PCDHGA1: variants seen among roughly 807,000 people sequenced by gnomAD.
The protein encoded by PCDHGA1 is protocadherin gamma subfamily A, 1.
Under a neutral mutation model 58.0 loss-of-function variants are expected in PCDHGA1, and 32 were observed. That is an observed-to-expected ratio of 0.55 (90% CI 0.42 to 0.74). The LOEUF is 0.74. Among genes scored for constraint, PCDHGA1 ranks in the 30% least tolerant of loss-of-function variants. The pLI, the probability that PCDHGA1 is intolerant of heterozygous loss-of-function variation, is 0.00. For missense variants in PCDHGA1, 1,205 were observed against 1,182.3 expected (o/e 1.02, Z -0.28); for synonymous variants, 498 against 501.1 (o/e 0.99, Z 0.08).
chr5:141,383,975 A>G (rs2150246512), intron 1 of PCDHGA1: 3 of 1,613,820 alleles, frequency 1.9e-6, no homozygotes, highest in South Asian at 2.2e-5. Flanking sequence ...ATCCCTGAAG[A>G]CACACCTCTT....
intron 1 of PCDHGA1, among the ~76,000 whole-genome samples, chr5:141,494,397 A>G (rs965158973): frequency 7.2e-5 from 11 of 152,208 alleles, no homozygotes; most frequent in African/African-American, 2.4e-4. Flanking sequence ...GAATAAATTC[A>G]TTCTAGGGCT....
chr5:141,399,660 C>A lies in PCDHGA1; in HGVS notation c.2421+66555C>A, dbSNP rs988885728. 11 of 1,613,536 alleles carry A rather than the reference C, an allele frequency of 6.8e-6. No individual in the cohort carries two copies. The highest frequency in any genetic ancestry group is 9.3e-6 in the Non-Finnish European group (11 of 1,179,888). ...TGAGCGCGCAAAGTGGGGTGGTGTT[C>A]GCGCAGCGCGCCTTTGACTACGAGC... is the stretch of plus-strand genomic sequence containing the variant. On this transcript the variant is annotated intron_variant, in intron 1 of 3. Coordinates refer to ENST00000517417, the MANE Select transcript of PCDHGA1 (RefSeq NM_018912.3).
chr5:141,477,737 G>T lies in PCDHGA1; in HGVS notation c.2422-17070G>T, dbSNP rs1178108717. 1.2e-6 allele frequency: 2 copies of T among 1,613,846 alleles called. No homozygotes were observed. Among genetic ancestry groups the T allele is most frequent in the South Asian group, 1.1e-5 (1 of 91,088 alleles). ...ATTTGAATTAACAGCTCATATCAGC[G>T]ATGGGGGCACCCCGGTCCTAGCCAC... On this transcript the variant is annotated intron_variant, in intron 1 of 3. Coordinates refer to ENST00000517417, the MANE Select transcript of PCDHGA1 (RefSeq NM_018912.3). This position sits in a 1 kb window ranked among gnomAD's most constrained non-coding sequence, Gnocchi z 4.9.
rs750233767 is a variant in PCDHGA1 at position 141,490,877 on chromosome 5, C to A, written c.2422-3930C>A. 1 of 1,613,880 alleles carries A rather than the reference C, an allele frequency of 6.2e-7. No individual in the cohort carries two copies. Among genetic ancestry groups the A allele is most frequent in the Non-Finnish European group, 8.5e-7 (1 of 1,179,900 alleles). On this transcript the variant is annotated intron_variant, in intron 1 of 3. Coordinates refer to ENST00000517417, the MANE Select transcript of PCDHGA1 (RefSeq NM_018912.3). This position sits in a 1 kb window ranked among gnomAD's most constrained non-coding sequence, Gnocchi z 5.4. Reference sequence around the variant, plus strand: ...GACTCCGGCTCTCCCCCATTGCATGCCAACACATCTCTGCATGTGTTTGTC... The same window carrying A: ...GACTCCGGCTCTCCCCCATTGCATGACAACACATCTCTGCATGTGTTTGTC...
Position 141,431,996 on chromosome 5 carries a change from G to A in PCDHGA1, c.2422-62811G>A, listed in dbSNP as rs766891220. ...AGTCACAGACATAGTCTTGGATAGGGAACAGGTTCCTAGCTACAACATCAC... is the reference window on the plus strand; with the variant it reads ...AGTCACAGACATAGTCTTGGATAGGAAACAGGTTCCTAGCTACAACATCAC... On this transcript the variant is annotated intron_variant, in intron 1 of 3. Transcript: ENST00000517417. The surrounding 1 kb of genome is among the most constrained non-coding windows in gnomAD (Gnocchi z 4.8). 1.9e-6 allele frequency: 3 copies of A among 1,614,192 alleles called. No homozygotes were observed. In the East Asian group the frequency reaches 6.7e-5, roughly 36 times the overall value.
intron 1 of PCDHGA1, among the ~76,000 whole-genome samples, chr5:141,434,518 T>C (rs2097700303): frequency 6.6e-6 from 1 of 152,188 alleles, no homozygotes; most frequent in Admixed American, 6.5e-5. Flanking sequence ...CTTAAAGGTG[T>C]TCTTAAACCA....
intron 1 of PCDHGA1, chr5:141,370,262 T>G (rs1766779263): frequency 2.7e-6 from 2 of 752,044 alleles, no homozygotes; most frequent in Non-Finnish European, 4.2e-6. Flanking sequence ...TCAGGCTTCC[T>G]GCAGCGGAGA....
At chr5:141,388,448 C>T in intron 1 of PCDHGA1, 1 of 1,613,760 alleles carries the variant, frequency 6.2e-7, no homozygotes, top group Non-Finnish European at 8.5e-7. Context: ...AATCAGATGG[C>T]AGTAAATACC....
At position 141,476,581 on chromosome 5, in the gene PCDHGA1, G is replaced by A. The variant is rs1393235114; in HGVS notation, c.2422-18226G>A. The A allele has an allele frequency of 5.0e-6, 8 of 1,614,230 alleles. No individual in the cohort carries two copies. The highest frequency in any genetic ancestry group is 6.8e-6 in the Non-Finnish European group (8 of 1,180,042). ...CCGTGGCTCCGGGGACGCGCTTTCC[G>A]CTCGAGAGCGCGCACGATCCCGATG... On this transcript the variant is annotated intron_variant, in intron 1 of 3. Transcript: ENST00000517417. This position sits in a 1 kb window ranked among gnomAD's most constrained non-coding sequence, Gnocchi z 7.6.
At chr5:141,347,363 C>A (rs1757958155) in intron 1 of PCDHGA1, among the ~76,000 whole-genome samples, 1 of 151,942 alleles carries the variant, frequency 6.6e-6, no homozygotes, top group Non-Finnish European at 1.5e-5. Context: ...CTATGTTTCC[C>A]AGGCTGGTCT....
intron 1 of PCDHGA1, among the ~76,000 whole-genome samples, chr5:141,465,063 C>T (rs187265709): frequency 8.5e-4 from 129 of 151,534 alleles, no homozygotes; most frequent in South Asian, 1.3e-3. Context: ...TTTGAATTGT[C>T]TGTTCATGTC....
In PCDHGA1 at chr5:141,373,351, T is replaced by A. The variant is rs147280674; in HGVS notation, c.2421+40246T>A. Among the ~76,000 whole-genome samples, 5 of 152,328 alleles carry A rather than the reference T, an allele frequency of 3.3e-5. No homozygotes were observed. In the East Asian group the frequency reaches 7.7e-4, roughly 23 times the overall value. On this transcript the variant is annotated intron_variant, in intron 1 of 3. Transcript: ENST00000517417. ...GCATCTAAAATGGCAACTCTTGTAA[T>A]GGGCACTGTAATGAATTGGTTCAAA...
At chr5:141,494,648 T>G in intron 1 of PCDHGA1, 159 bp from the exon 2 acceptor site, 1 of 946,506 alleles carries the variant, frequency 1.1e-6, no homozygotes, top group Non-Finnish European at 1.3e-6. Flanking sequence ...ACCTGAGGTG[T>G]ATTTTGTCTT....
intron 1 of PCDHGA1, chr5:141,398,829 C>T (rs1020690994): frequency 3.1e-6 from 5 of 1,613,876 alleles, no homozygotes; most frequent in African/African-American, 2.7e-5. Context: ...AGGTAACCGA[C>T]GCCAATGATA....
At position 141,511,399 on chromosome 5, in the gene PCDHGA1, A is replaced by C; in HGVS notation, c.*226A>C. 1.0e-6 allele frequency: 1 copy of C among 987,714 alleles called. No homozygotes were observed. The highest frequency in any genetic ancestry group is 1.4e-6 in the Non-Finnish European group (1 of 693,342). The allele number at this position is 987,714 out of a possible 1,614,324, so 61.2% of individuals were successfully genotyped here. ...CAGTTCCGCTGGGAACCCCCATCCA[A>C]TCAACTGCTGTACCCATGGGGGTAG... On this transcript the variant is annotated 3_prime_UTR_variant, in exon 4 of 4. Transcript: ENST00000517417.
At chr5:141,429,164 G>A (rs2097189096) in intron 1 of PCDHGA1, 1 of 131,392 alleles carries the variant, frequency 7.6e-6, no homozygotes, top group African/African-American at 3.1e-5. Flanking sequence ...CGGAGACATT[G>A]TTTATACACA....
At chr5:141,444,059 T>C (rs2098415588) in intron 1 of PCDHGA1, among the ~76,000 whole-genome samples, 1 of 150,620 alleles carries the variant, frequency 6.6e-6, no homozygotes, top group Admixed American at 6.6e-5. Flanking sequence ...ATCTTCAATC[T>C]AGATTCTGAT....
At chr5:141,387,300 T>C (rs1171181488) in intron 1 of PCDHGA1, among the ~76,000 whole-genome samples, 1 of 152,224 alleles carries the variant, frequency 6.6e-6, no homozygotes, top group Non-Finnish European at 1.5e-5. Context: ...ATGTATCCAG[T>C]ATATTTCTAA....
chr5:141,480,265 A>G (rs1041908141), intron 1 of PCDHGA1, among the ~76,000 whole-genome samples: 2 of 151,784 alleles, frequency 1.3e-5, no homozygotes, highest in African/African-American at 2.4e-5. Context: ...ATGTGTTTTC[A>G]TTAGCTGGGT....
Sources: gnomAD v4.1 joint callset for allele counts (sites outside exome capture counted in the v4.1 genomes callset) on GRCh38, gnomAD v4.1.1 for gene constraint, Gnocchi (gnomAD v3.1) non-coding constraint, MANE v1.5 for transcripts, NCBI Gene and HGNC (gene_info 2026-07-23, HGNC 2026-07-21) for gene names.